UBE2E2: variants seen among roughly 807,000 people sequenced by gnomAD.
UBE2E2 encodes ubiquitin conjugating enzyme E2 E2.
UBE2E2 carries 6 observed loss-of-function variants against 24.7 expected under a neutral mutation model. That is an observed-to-expected ratio of 0.24 (90% CI 0.13 to 0.48). The LOEUF (loss-of-function observed/expected upper bound fraction) is 0.48. UBE2E2 is among the 20% of genes least tolerant of loss of function. The pLI is 0.99. For synonymous variants in UBE2E2, 104 were observed against 83.6 expected (o/e 1.24, Z -1.33); for missense variants, 169 against 245.0 (o/e 0.69, Z 2.07).
At chr3:23,230,621 C>T (rs1025775650) in intron 3 of UBE2E2, among the ~76,000 whole-genome samples, 3 of 151,804 alleles carry the variant, frequency 2.0e-5, no homozygotes, top group Non-Finnish European at 4.4e-5. Context: ...CCCGTCTCTA[C>T]TAAAAATACA....
At chr3:23,559,867 G>T (rs902130750) in intron 5 of UBE2E2, among the ~76,000 whole-genome samples, 5 of 151,986 alleles carry the variant, frequency 3.3e-5, no homozygotes, top group Non-Finnish European at 7.4e-5. Flanking sequence ...TCCTAGACTG[G>T]GTAATTTAAA....
intron 3 of UBE2E2, among the ~76,000 whole-genome samples, chr3:23,291,425 GTAA>G (rs529552931): frequency 8.5e-4 from 130 of 152,280 alleles, no homozygotes; most frequent in Non-Finnish European, 1.3e-3. Flanking sequence ...TTCACATGTT[GTAA>G]TAATAAGGCT....
chr3:23,271,969 C>G (rs1443484878), intron 3 of UBE2E2, among the ~76,000 whole-genome samples: 1 of 152,232 alleles, frequency 6.6e-6, no homozygotes, highest in Non-Finnish European at 1.5e-5. Flanking sequence ...CTGGCTTCGC[C>G]TAGTGGATCC....
intron 4 of UBE2E2, among the ~76,000 whole-genome samples, chr3:23,521,825 T>C (rs9854488): frequency 0.33 from 50,630 of 151,844 alleles, 8,960 homozygotes; most frequent in East Asian, 0.51. Context: ...TTGGACACCC[T>C]TGCTCCAGAA....
chr3:23,286,486 C>CT (rs1444232722), intron 3 of UBE2E2, among the ~76,000 whole-genome samples: 1 of 152,028 alleles, frequency 6.6e-6, no homozygotes, highest in East Asian at 1.9e-4. Context: ...TCTGGATTCT[C>CT]TATTTTGTTT....
At chr3:23,421,359 A>G (rs1350401063) in intron 3 of UBE2E2, among the ~76,000 whole-genome samples, 3 of 152,210 alleles carry the variant, frequency 2.0e-5, no homozygotes, top group Admixed American at 1.3e-4. Context: ...CTAGGTTTCC[A>G]TCAATGGATG....
intron 5 of UBE2E2, among the ~76,000 whole-genome samples, chr3:23,547,187 T>G (rs1695544600): frequency 6.6e-6 from 1 of 152,218 alleles, no homozygotes. Context: ...AATAACTGTG[T>G]CAGGCTTTGC....
chr3:23,504,912 C>CTGTTTTTTTTTTTTTT (rs1694401198), intron 4 of UBE2E2, among the ~76,000 whole-genome samples: 2 of 95,072 alleles, frequency 2.1e-5, no homozygotes, highest in South Asian at 4.2e-4. Context: ...GACATTCTTT[C>CTGTTTTTTTTTTTTTT]TTTTTTTTTT....
At chr3:23,579,227 T>C (rs1390046006) in intron 5 of UBE2E2, among the ~76,000 whole-genome samples, 1 of 151,382 alleles carries the variant, frequency 6.6e-6, no homozygotes, top group Non-Finnish European at 1.5e-5. Flanking sequence ...CCCGTAAAAA[T>C]ACAAAAAATT....
intron 3 of UBE2E2, among the ~76,000 whole-genome samples, chr3:23,235,948 T>C (rs544538327): frequency 2.0e-5 from 3 of 152,282 alleles, no homozygotes; most frequent in Non-Finnish European, 4.4e-5. Flanking sequence ...GCTGGAAATA[T>C]CAATTTGAAT....
rs552797027 is a variant in UBE2E2, at chr3:23,430,360, G to T, written c.228-69248G>T. On this transcript the variant is annotated intron_variant, in intron 3 of 5. Coordinates refer to ENST00000396703, the MANE Select transcript of UBE2E2 (RefSeq NM_152653.4). ...AATATAGGTTACTTAACCTGTCTTT[G>T]CCTTGTTCCTCATGTGTCAGGTAGT... is the stretch of plus-strand genomic sequence containing the variant. 1.6e-4 allele frequency among the ~76,000 whole-genome samples: 25 copies of T among 152,102 alleles called. 1 individual carries two copies. In the South Asian group the frequency reaches 5.0e-3, roughly 30 times the overall value.
At chr3:23,525,419 C>T (rs190464720) in intron 4 of UBE2E2, among the ~76,000 whole-genome samples, 1 of 152,258 alleles carries the variant, frequency 6.6e-6, no homozygotes, top group East Asian at 1.9e-4. Flanking sequence ...TTATCCAGGG[C>T]CATCTGGGAA....
chr3:23,549,393 A>C (rs1284843494), intron 5 of UBE2E2, among the ~76,000 whole-genome samples: 2 of 152,196 alleles, frequency 1.3e-5, no homozygotes, highest in African/African-American at 4.8e-5. Flanking sequence ...TAGACTTATC[A>C]GTGTCAGGTC....
At chr3:23,574,460 C>T (rs929760440) in intron 5 of UBE2E2, among the ~76,000 whole-genome samples, 1 of 152,166 alleles carries the variant, frequency 6.6e-6, no homozygotes, top group African/African-American at 2.4e-5. Context: ...TTATACATTG[C>T]ATTCCCATGC....
chr3:23,284,519 G>T (rs1424551258), intron 3 of UBE2E2, among the ~76,000 whole-genome samples: 1 of 104,450 alleles, frequency 9.6e-6, no homozygotes, highest in African/African-American at 3.0e-5. Flanking sequence ...TTATTATTAT[G>T]ATTATTATTT....
At chr3:23,579,691 C>T (rs1007969430) in intron 5 of UBE2E2, among the ~76,000 whole-genome samples, 2 of 151,952 alleles carry the variant, frequency 1.3e-5, no homozygotes, top group African/African-American at 4.8e-5. Context: ...CAGAGCAAGA[C>T]CCTGTCTCTT....
intron 3 of UBE2E2, among the ~76,000 whole-genome samples, chr3:23,314,013 ACAAG>A (rs1694497564): frequency 6.6e-6 from 1 of 152,192 alleles, no homozygotes; most frequent in Non-Finnish European, 1.5e-5. Context: ...GATTGCATAA[ACAAG>A]CAAACAAAAA....
At chr3:23,311,224 A>G (rs1379194718) in intron 3 of UBE2E2, among the ~76,000 whole-genome samples, 1 of 152,182 alleles carries the variant, frequency 6.6e-6, no homozygotes, top group Admixed American at 6.5e-5. Flanking sequence ...TCGATGGTGT[A>G]TATGTGCCAC....
chr3:23,349,015 G>A (rs2125317504), intron 3 of UBE2E2, among the ~76,000 whole-genome samples: 1 of 152,294 alleles, frequency 6.6e-6, no homozygotes. Flanking sequence ...CCCCGCAGGA[G>A]TTGATAGTAC....
Sources: gnomAD v4.1 joint callset for allele counts (sites outside exome capture counted in the v4.1 genomes callset) on GRCh38, gnomAD v4.1.1 for gene constraint, MANE v1.5 for transcripts, NCBI Gene and HGNC (gene_info 2026-07-23, HGNC 2026-07-21) for gene names.